Variants in TMEM266 observed in about 807,000 individuals in gnomAD.
TMEM266 encodes transmembrane protein 266.
In TMEM266, 33 loss-of-function variants were observed where a neutral mutation model predicts 50.5. The ratio of observed to expected loss-of-function variants is 0.65; its 90% CI spans 0.50 to 0.87. The LOEUF is 0.87. Among genes scored for constraint, TMEM266 ranks in the 40% least tolerant of loss-of-function variants. The pLI, the probability that TMEM266 is intolerant of heterozygous loss-of-function variation, is 0.00. For missense variants in TMEM266, 655 were observed against 695.1 expected (o/e 0.94, Z 0.65); for synonymous variants, 310 against 292.3 (o/e 1.06, Z -0.62).
At chr15:76,182,231 CCT>C (rs1198703408) in intron 8 of TMEM266, among the ~76,000 whole-genome samples, 1 of 152,122 alleles carries the variant, frequency 6.6e-6, no homozygotes, top group African/African-American at 2.4e-5. Flanking sequence ...CCCTTTAACC[CCT>C]GAGCCTCAGC....
intron 1 of TMEM266, among the ~76,000 whole-genome samples, chr15:76,129,537 A>G (rs550631185): frequency 1.5e-3 from 234 of 152,298 alleles, no homozygotes; most frequent in African/African-American, 4.9e-3. Flanking sequence ...GCTACTCAGG[A>G]GGCTGAGGCA....
intron 1 of TMEM266, among the ~76,000 whole-genome samples, chr15:76,126,374 CATATATAT>C (rs61446223): frequency 0.018 from 2,456 of 137,740 alleles, 66 homozygotes; most frequent in African/African-American, 0.054. Context: ...CACCCACAGA[CATATATAT>C]ATATATATAT....
chr15:76,194,675 C>T (rs562278580), intron 9 of TMEM266, among the ~76,000 whole-genome samples: 9 of 152,170 alleles, frequency 5.9e-5, no homozygotes, highest in African/African-American at 1.2e-4. Context: ...CTCCTGGTGG[C>T]GGCTGGCAAT....
intron 9 of TMEM266, among the ~76,000 whole-genome samples, chr15:76,200,830 T>G (rs1363816332): frequency 6.6e-6 from 1 of 152,142 alleles, no homozygotes; most frequent in Non-Finnish European, 1.5e-5. Flanking sequence ...CCCGGGGCCC[T>G]CCCTCAACCC....
chr15:76,079,346 C>T (rs1310168257), intron 1 of TMEM266, among the ~76,000 whole-genome samples: 6 of 51,974 alleles, frequency 1.2e-4, no homozygotes, highest in African/African-American at 3.3e-4. Flanking sequence ...GAGCAAGACA[C>T]CATCTCAAAA....
At chr15:76,116,398 A>T (rs1307675722) in intron 1 of TMEM266, among the ~76,000 whole-genome samples, 1 of 152,100 alleles carries the variant, frequency 6.6e-6, no homozygotes, top group Non-Finnish European at 1.5e-5. Flanking sequence ...GGGAAAAGGT[A>T]TGCACCCCTC....
intron 1 of TMEM266, among the ~76,000 whole-genome samples, chr15:76,064,558 C>T (rs2141979572): frequency 6.6e-6 from 1 of 152,294 alleles, no homozygotes; most frequent in Non-Finnish European, 1.5e-5. Context: ...GCTCCTCAGC[C>T]ACAAAGGCCT....
At position 76,192,070 on chromosome 15, in the gene TMEM266, C is replaced by G; in HGVS notation, c.871C>G (p.Arg291Gly). 1.3e-6 allele frequency: 2 copies of G among 1,484,528 alleles called. No homozygotes were observed. Among genetic ancestry groups the G allele is most frequent in the Non-Finnish European group, 1.8e-6 (2 of 1,122,988 alleles). 92.0% of individuals were successfully genotyped at this position (1,484,528 alleles called of 1,614,324 possible). Residue 291 changes from arginine (R) to glycine (G), a missense_variant, in exon 9 of 11, where the codon CGC becomes GGC. Arg to Gly is a moderately radical substitution (Grantham distance 125). Around this residue, in one of 3 missense-constraint regions of TMEM266, gnomAD observed 455 missense variants for 401.8 expected, o/e 1.13. Transcript: ENST00000388942. Reference sequence around the variant, plus strand: ...GGCCCCGCACGTGCTCAGCCAGCCGCGCAGCCGCTTCAAAGTGTTGGAGGC... The same window carrying G: ...GGCCCCGCACGTGCTCAGCCAGCCGGGCAGCCGCTTCAAAGTGTTGGAGGC...
intron 1 of TMEM266, among the ~76,000 whole-genome samples, chr15:76,096,715 C>T (rs1295081286): frequency 6.6e-6 from 1 of 151,964 alleles, no homozygotes; most frequent in Non-Finnish European, 1.5e-5. Flanking sequence ...GTGTTAAAGT[C>T]TCCCACTATT....
chr15:76,105,091 C>G (rs973137943), intron 1 of TMEM266, among the ~76,000 whole-genome samples: 2 of 150,954 alleles, frequency 1.3e-5, no homozygotes, highest in African/African-American at 4.9e-5. Context: ...ACTAAAAATA[C>G]AAAAATTAGC....
chr15:76,084,606 T>TG (rs1567144899), intron 1 of TMEM266, among the ~76,000 whole-genome samples: 3 of 148,888 alleles, frequency 2.0e-5, no homozygotes, highest in African/African-American at 7.8e-5. Flanking sequence ...TGGTTTTTTT[T>TG]TTTTTGTTTT....
intron 1 of TMEM266, among the ~76,000 whole-genome samples, chr15:76,071,309 A>G (rs1461060664): frequency 6.6e-6 from 1 of 152,212 alleles, no homozygotes; most frequent in African/African-American, 2.4e-5. Flanking sequence ...CTGCAGAGGA[A>G]CAGCTAGGCA....
chr15:76,155,303 G>C (rs530176266), intron 3 of TMEM266, among the ~76,000 whole-genome samples: 1 of 152,256 alleles, frequency 6.6e-6, no homozygotes, highest in East Asian at 1.9e-4. Flanking sequence ...GGTGAGGTTT[G>C]ACCTCAGCTC....
intron 1 of TMEM266, among the ~76,000 whole-genome samples, chr15:76,063,649 T>G (rs1158402394): frequency 6.6e-6 from 1 of 152,186 alleles, no homozygotes; most frequent in African/African-American, 2.4e-5. Context: ...TATTAATTAG[T>G]TGTTAAGTGT....
At chr15:76,137,346 A>G (rs946567267) in intron 2 of TMEM266, among the ~76,000 whole-genome samples, 48 of 152,350 alleles carry the variant, frequency 3.2e-4, no homozygotes, top group African/African-American at 1.1e-3. Context: ...ACTCCCATAC[A>G]GAGTCCAGTG....
chr15:76,182,741 C>G (rs1358272694), intron 8 of TMEM266, among the ~76,000 whole-genome samples: 1 of 152,166 alleles, frequency 6.6e-6, no homozygotes, highest in Non-Finnish European at 1.5e-5. Context: ...GCTCATTTTT[C>G]CTTTGCTGGT....
At chr15:76,079,758 C>T (rs1328744360) in intron 1 of TMEM266, among the ~76,000 whole-genome samples, 1 of 129,970 alleles carries the variant, frequency 7.7e-6, no homozygotes, top group East Asian at 2.2e-4. Context: ...TAGGACAGAG[C>T]GAGACTCTGT....
chr15:76,082,947 C>T (rs928034000), intron 1 of TMEM266, among the ~76,000 whole-genome samples: 5 of 151,310 alleles, frequency 3.3e-5, no homozygotes, highest in South Asian at 2.1e-4. Flanking sequence ...CCAGGCTGGG[C>T]GACAGAGCAA....
chr15:76,168,745 T>A lies in TMEM266; in HGVS notation c.457-1071T>A, dbSNP rs2038138029. Among the ~76,000 whole-genome samples the A allele has an allele frequency of 6.6e-6, 1 of 152,192 alleles. No homozygotes were observed. The highest frequency in any genetic ancestry group is 1.5e-5 in the Non-Finnish European group (1 of 68,034). On this transcript the variant is annotated intron_variant, in intron 5 of 10. Transcript: ENST00000388942. This position sits in a 1 kb window ranked among gnomAD's most constrained non-coding sequence, Gnocchi z 4.4. The stretch of plus-strand genomic sequence containing the variant: ...GACAGCAGACCAGGTCCCTTGAGCC[T>A]CCACTGGGGGATGGGGAGGGAATCA...
Sources: gnomAD v4.1 joint callset for allele counts (sites outside exome capture counted in the v4.1 genomes callset) on GRCh38, gnomAD v4.1.1 for gene constraint, gnomAD v4.1.1 regional missense constraint, Gnocchi (gnomAD v3.1) non-coding constraint, MANE v1.5 for transcripts, NCBI Gene and HGNC (gene_info 2026-07-23, HGNC 2026-07-21) for gene names.